Variants in DHX15 observed in about 807,000 individuals in gnomAD.
The protein encoded by DHX15 is ATP-dependent RNA helicase DHX15.
In DHX15, 11 loss-of-function variants were observed where a neutral mutation model predicts 94.4. The observed-to-expected ratio is 0.12, with a 90% CI of 0.07 to 0.19. The LOEUF is 0.19. Among genes scored for constraint, DHX15 ranks in the 10% least tolerant of loss-of-function variants. The pLI, the probability that DHX15 is intolerant of heterozygous loss-of-function variation, is 1.00. For missense variants in DHX15, 304 were observed against 988.5 expected (o/e 0.31, Z 9.29); for synonymous variants, 338 against 329.9 (o/e 1.02, Z -0.27).
At chr4:24,530,108 A>G (rs180791903) in intron 12 of DHX15, 179 of 363,336 alleles carry the variant, frequency 4.9e-4, no homozygotes, top group Admixed American at 9.2e-4. Context: ...GAACACAGGC[A>G]TGCCCATTTG....
At chr4:24,556,524 C>A in intron 3 of DHX15, 114 bp from the exon 4 acceptor site, 1 of 849,604 alleles carries the variant, frequency 1.2e-6, no homozygotes, top group Non-Finnish European at 1.8e-6. Flanking sequence ...AACTTCTGCC[C>A]CAAACAAATG....
intron 3 of DHX15, among the ~76,000 whole-genome samples, chr4:24,566,971 A>G (rs1722006899): frequency 6.6e-6 from 1 of 152,210 alleles, no homozygotes; most frequent in Admixed American, 6.5e-5. Flanking sequence ...TTTAACAAGA[A>G]CAGGGACTAG....
At chr4:24,547,939 ATATCTATATCTATATCTATATC>A (rs1721482567) in intron 6 of DHX15, among the ~76,000 whole-genome samples, 3 of 27,172 alleles carry the variant, frequency 1.1e-4, no homozygotes, top group Admixed American at 6.0e-4. Context: ...ATATATATAT[ATATCTATATCTATATCTATATC>A]TATCTGCTGA....
chr4:24,543,329 A>G (rs993543089), intron 6 of DHX15, among the ~76,000 whole-genome samples: 1 of 152,196 alleles, frequency 6.6e-6, no homozygotes, highest in African/African-American at 2.4e-5. Flanking sequence ...AAAAATACTG[A>G]TGAAGCAATA....
chr4:24,584,211 G>C (rs571131139), intron 1 of DHX15, 112 bp downstream of exon 1: 1 of 1,165,850 alleles, frequency 8.6e-7, no homozygotes, highest in Admixed American at 2.2e-5. Flanking sequence ...AGCCCAGAGA[G>C]AAACAAAGGC....
intron 5 of DHX15, 101 bp downstream of exon 5, chr4:24,554,624 T>A: frequency 1.1e-6 from 1 of 901,992 alleles, no homozygotes; most frequent in East Asian, 2.4e-5. Flanking sequence ...TTGAAGAACA[T>A]TGAAATAAAA....
At chr4:24,574,148 G>C (rs1722187673) in intron 2 of DHX15, among the ~76,000 whole-genome samples, 1 of 129,436 alleles carries the variant, frequency 7.7e-6, no homozygotes, top group Non-Finnish European at 1.6e-5. Context: ...GGAGGTTGCA[G>C]AAAGCCAAGA....
intron 12 of DHX15, chr4:24,529,984 AAATG>A: frequency 1.7e-6 from 1 of 574,550 alleles, no homozygotes. Flanking sequence ...TGTGAATCCA[AAATG>A]GTTTATTTAT....
At chr4:24,560,572 A>C (rs1403784644) in intron 3 of DHX15, among the ~76,000 whole-genome samples, 1 of 152,198 alleles carries the variant, frequency 6.6e-6, no homozygotes, top group African/African-American at 2.4e-5. Flanking sequence ...CTTATATCCA[A>C]GGTGCTAATT....
At chr4:24,561,998 G>C (rs1429460993) in intron 3 of DHX15, among the ~76,000 whole-genome samples, 1 of 151,820 alleles carries the variant, frequency 6.6e-6, no homozygotes, top group East Asian at 1.9e-4. Flanking sequence ...AGGCGTGGTG[G>C]CGTGCACCTG....
Position 24,584,309 on chromosome 4 carries a change from C to T in DHX15, c.71+14G>A, listed in dbSNP as rs1372470583. 6 of 1,609,292 alleles carry T rather than the reference C, an allele frequency of 3.7e-6. No individual in the cohort carries two copies. The East Asian group carries it at 6.7e-5, about 18-fold the overall frequency. ...AAGCCCGAGCTGCCGCCTCGCGCCCCCGGCCTGGCTTACCCATCGGTCCCC... is the reference window on the plus strand; with the variant it reads ...AAGCCCGAGCTGCCGCCTCGCGCCCTCGGCCTGGCTTACCCATCGGTCCCC... On this transcript the variant is annotated intron_variant, in intron 1 of 13. Coordinates refer to ENST00000336812, the MANE Select transcript of DHX15 (RefSeq NM_001358.3).
At chr4:24,530,764 C>T (rs1293782543) in intron 12 of DHX15, 1 of 151,946 alleles carries the variant, frequency 6.6e-6, no homozygotes, top group Non-Finnish European at 1.5e-5. Context: ...TCAAAATGGA[C>T]AGTTCTCCCT....
chr4:24,541,003 G>A (rs1035984676), intron 8 of DHX15, 55 bp from the exon 9 acceptor site: 12 of 1,155,774 alleles, frequency 1.0e-5, no homozygotes, highest in African/African-American at 3.1e-5. Flanking sequence ...CAGTCTCCTC[G>A]TTCCAGAAAA....
At chr4:24,552,542 A>G (rs1721631026) in intron 5 of DHX15, among the ~76,000 whole-genome samples, 1 of 152,198 alleles carries the variant, frequency 6.6e-6, no homozygotes, top group Non-Finnish European at 1.5e-5. Flanking sequence ...ACTCAATTTC[A>G]TGGAGGCTAT....
At chr4:24,550,991 C>T (rs1227291975) in intron 5 of DHX15, among the ~76,000 whole-genome samples, 1 of 152,160 alleles carries the variant, frequency 6.6e-6, no homozygotes, top group African/African-American at 2.4e-5. Context: ...ACGGGAGCAG[C>T]ACCACAGCTA....
intron 3 of DHX15, among the ~76,000 whole-genome samples, chr4:24,557,739 T>C (rs1366807170): frequency 6.6e-6 from 1 of 152,158 alleles, no homozygotes; most frequent in African/African-American, 2.4e-5. Context: ...AAATTATGAC[T>C]CAGTGCCTTA....
At chr4:24,541,605 A>T (rs1721314469) in intron 8 of DHX15, among the ~76,000 whole-genome samples, 1 of 152,122 alleles carries the variant, frequency 6.6e-6, no homozygotes, top group South Asian at 2.1e-4. Context: ...AATTGTAAAG[A>T]AAGATATTTA....
chr4:24,574,230 T>TAAAAAAAAAAAAA (rs1413770864), intron 2 of DHX15, among the ~76,000 whole-genome samples: 3 of 81,860 alleles, frequency 3.7e-5, no homozygotes, highest in African/African-American at 1.3e-4. Context: ...AAAAAAAAAG[T>TAAAAAAAAAAAAA]TAAAGTCATT....
At chr4:24,583,890 G>A (rs1232020724) in intron 1 of DHX15, among the ~76,000 whole-genome samples, 3 of 152,006 alleles carry the variant, frequency 2.0e-5, no homozygotes, top group Admixed American at 1.3e-4. Context: ...CCCTCCCCAC[G>A]GCCCCTCTGG....
Sources: allele counts gnomAD v4.1 joint callset (sites outside exome capture counted in the v4.1 genomes callset), GRCh38; gene constraint gnomAD v4.1.1; transcripts MANE v1.5; gene names NCBI Gene and HGNC (gene_info 2026-07-23, HGNC 2026-07-21).